Variants in TGM3 observed in about 807,000 individuals in gnomAD.
TGM3 encodes the protein protein-glutamine gamma-glutamyltransferase E.
In TGM3, 52 loss-of-function variants were observed where a neutral mutation model predicts 73.8. That is an observed-to-expected ratio of 0.70 (90% confidence interval 0.56 to 0.89). TGM3 has a LOEUF of 0.89. TGM3 is among the 40% of genes least tolerant of loss of function. The probability of loss-of-function intolerance (pLI) is 0.00; values close to 1 mark genes in which losing one functional copy is unlikely to be tolerated. For synonymous variants in TGM3, 372 were observed against 354.9 expected (o/e 1.05, Z -0.54); for missense variants, 928 against 909.9 (o/e 1.02, Z -0.26).
At chr20:2,298,679 G>A (rs1395318967) in intron 1 of TGM3, among the ~76,000 whole-genome samples, 2 of 152,152 alleles carry the variant, frequency 1.3e-5, no homozygotes, top group Admixed American at 6.5e-5. Flanking sequence ...GACACCAGTC[G>A]CCCCTCCTCC....
chr20:2,305,915 C>T (rs192475555), intron 1 of TGM3, among the ~76,000 whole-genome samples: 1 of 152,326 alleles, frequency 6.6e-6, no homozygotes, highest in East Asian at 1.9e-4. Context: ...CACAAATGCC[C>T]AGTAAACTTC....
intron 12 of TGM3, 34 bp from the exon 13 acceptor site, chr20:2,340,399 CT>C (rs1401203285): frequency 6.2e-7 from 1 of 1,612,590 alleles, no homozygotes; most frequent in Non-Finnish European, 8.5e-7. Context: ...GTCCGTGTGT[CT>C]CGTATCAACA....
intron 4 of TGM3, 87 bp from the exon 5 acceptor site, chr20:2,312,811 C>A: frequency 6.4e-7 from 1 of 1,558,848 alleles, no homozygotes; most frequent in Non-Finnish European, 8.7e-7. Context: ...CTGATAGTTC[C>A]TGTGGTTCTT....
At chr20:2,324,128 C>G (rs1190084562) in intron 7 of TGM3, among the ~76,000 whole-genome samples, 1 of 152,014 alleles carries the variant, frequency 6.6e-6, no homozygotes, top group East Asian at 1.9e-4. Context: ...TTGACTCTTT[C>G]CTCTGTCATC....
chr20:2,325,159 G>A (rs1217330702), intron 7 of TGM3, among the ~76,000 whole-genome samples: 1 of 152,148 alleles, frequency 6.6e-6, no homozygotes, highest in Non-Finnish European at 1.5e-5. Flanking sequence ...GAACTGAAAA[G>A]TGCCAAGACC....
intron 1 of TGM3, among the ~76,000 whole-genome samples, chr20:2,304,233 G>A (rs1379178005): frequency 2.0e-5 from 3 of 152,338 alleles, no homozygotes; most frequent in East Asian, 3.9e-4. Flanking sequence ...GGATTGGGGA[G>A]ACAGGATCAT....
In TGM3 at chr20:2,340,863, G is replaced by T. The variant is rs776178860; in HGVS notation, c.*282G>T. The T allele has an allele frequency of 3.6e-6, 2 of 560,664 alleles. No homozygotes were observed. The highest frequency in any genetic ancestry group is 1.9e-5 in the African/African-American group (1 of 53,778). The allele number at this position is 560,664 out of a possible 1,614,324, so 34.7% of individuals were successfully genotyped here. On this transcript the variant is annotated 3_prime_UTR_variant, in exon 13 of 13. Coordinates refer to ENST00000381458, the MANE Select transcript of TGM3 (RefSeq NM_003245.4). ...CCCCACAGCCCTGCTCATTCCTCAC[G>T]CCCTTCAATGCTGCAGGATGGACTG...
Position 2,335,279 on chromosome 20 carries a change from G to A in TGM3, c.1800+6G>A. The A allele has an allele frequency of 1.2e-6, 2 of 1,613,842 alleles. No individual in the cohort carries two copies. Among genetic ancestry groups the A allele is most frequent in the Non-Finnish European group, 1.7e-6 (2 of 1,179,990 alleles). On this transcript the variant is annotated splice_donor_region_variant and intron_variant, in intron 11 of 12. Coordinates refer to ENST00000381458, the MANE Select transcript of TGM3 (RefSeq NM_003245.4). ...ACCCCACCTTGACCCTGGAGGTAAT[G>A]GGGCTCCCCATCCTGTGGGAAGGGG...
intron 1 of TGM3, among the ~76,000 whole-genome samples, chr20:2,305,879 G>A (rs927755466): frequency 1.3e-5 from 2 of 152,192 alleles, no homozygotes; most frequent in African/African-American, 2.4e-5. Flanking sequence ...GCTAATGCAC[G>A]TAAACACTTT....
Position 2,340,667 on chromosome 20 carries a change from C to A in TGM3, c.*86C>A. 6.4e-7 allele frequency: 1 copy of A among 1,563,722 alleles called. No homozygotes were observed. The highest frequency in any genetic ancestry group is 1.1e-5 in the South Asian group (1 of 87,064). On this transcript the variant is annotated 3_prime_UTR_variant, in exon 13 of 13. Coordinates refer to ENST00000381458, the MANE Select transcript of TGM3 (RefSeq NM_003245.4). ...GAATGAACCCCCCGCCCATGCTGTC[C>A]GGCCTGGGAAACCCTCTCCATCTCC...
intron 1 of TGM3, among the ~76,000 whole-genome samples, chr20:2,298,034 C>G (rs896388551): frequency 4.8e-5 from 2 of 41,590 alleles, no homozygotes; most frequent in East Asian, 1.7e-3. Context: ...GAAAAATGGT[C>G]ACAGACAATG....
chr20:2,324,459 T>C (rs1317362258), intron 7 of TGM3, among the ~76,000 whole-genome samples: 1 of 152,210 alleles, frequency 6.6e-6, no homozygotes, highest in Non-Finnish European at 1.5e-5. Flanking sequence ...AGACGCTGGA[T>C]GTGTCTGAAT....
intron 1 of TGM3, among the ~76,000 whole-genome samples, chr20:2,303,561 T>C (rs2084162907): frequency 6.6e-6 from 1 of 152,146 alleles, no homozygotes; most frequent in Non-Finnish European, 1.5e-5. Context: ...GTTGTGAATT[T>C]TACCTCGATT....
intron 2 of TGM3, 137 bp from the exon 3 acceptor site, chr20:2,310,041 T>G (rs2084194870): frequency 7.7e-6 from 11 of 1,425,840 alleles, no homozygotes; most frequent in Non-Finnish European, 1.0e-5. Context: ...CCTGTATGTT[T>G]GTTCCAGTTA....
chr20:2,303,924 C>T (rs1423306292), intron 1 of TGM3, among the ~76,000 whole-genome samples: 1 of 152,118 alleles, frequency 6.6e-6, no homozygotes, highest in Non-Finnish European at 1.5e-5. Flanking sequence ...TCCATGTGCT[C>T]ACATCTGGAA....
In TGM3 at chr20:2,328,489, G is replaced by C. The variant is rs2084302977; in HGVS notation, c.1333+124G>C. Reference sequence around the variant, plus strand: ...GGCAGCCAGTTCTGCCTGAATGATAGGATTGCTCCCTAGCACCTAACATCC... The same window carrying C: ...GGCAGCCAGTTCTGCCTGAATGATACGATTGCTCCCTAGCACCTAACATCC... On this transcript the variant is annotated intron_variant, in intron 9 of 12. Coordinates refer to ENST00000381458, the MANE Select transcript of TGM3 (RefSeq NM_003245.4). The surrounding 1 kb of genome is among the most constrained non-coding windows in gnomAD (Gnocchi z 5.2). The C allele has an allele frequency of 7.4e-7, 1 of 1,354,662 alleles. No individual in the cohort carries two copies. Among genetic ancestry groups the C allele is most frequent in the African/African-American group, 1.4e-5 (1 of 69,604 alleles). The allele number at this position is 1,354,662 out of a possible 1,614,324, so 83.9% of individuals were successfully genotyped here.
chr20:2,327,441 C>G (rs1422904535), intron 8 of TGM3, among the ~76,000 whole-genome samples: 1 of 152,142 alleles, frequency 6.6e-6, no homozygotes, highest in Non-Finnish European at 1.5e-5. Flanking sequence ...TGCACCACTG[C>G]ACTCCAGACT....
At chr20:2,336,040 G>T (rs1468090285) in intron 11 of TGM3, among the ~76,000 whole-genome samples, 1 of 152,210 alleles carries the variant, frequency 6.6e-6, no homozygotes, top group Non-Finnish European at 1.5e-5. Context: ...CTCTTTCTCT[G>T]CTCATAGGGC....
intron 1 of TGM3, among the ~76,000 whole-genome samples, chr20:2,302,334 GC>G (rs2084152715): frequency 6.6e-6 from 1 of 152,200 alleles, no homozygotes; most frequent in African/African-American, 2.4e-5. Context: ...CTTTCTCTGT[GC>G]TTTTCATGTG....
Sources: allele counts gnomAD v4.1 joint callset (sites outside exome capture counted in the v4.1 genomes callset), GRCh38; gene constraint gnomAD v4.1.1; non-coding constraint Gnocchi (gnomAD v3.1); transcripts MANE v1.5; gene names NCBI Gene and HGNC (gene_info 2026-07-23, HGNC 2026-07-21).